CYB5B: variants seen among roughly 807,000 people sequenced by gnomAD.
CYB5B encodes cytochrome b5 type B.
In CYB5B, 14 loss-of-function variants were observed where a neutral mutation model predicts 21.3. That is an observed-to-expected ratio of 0.66 (90% CI 0.43 to 1.03). The LOEUF is 1.03. CYB5B is among the 50% of genes least tolerant of loss of function. CYB5B has a pLI of 0.00. For synonymous variants in CYB5B, 69 were observed against 68.4 expected, an observed-to-expected ratio of 1.01 and a Z score of -0.04; for missense variants, 166 against 185.1, an observed-to-expected ratio of 0.90 and a Z score of 0.60.
intron 1 of CYB5B, chr16:69,443,583 A>C (rs914391271): frequency 1.3e-5 from 2 of 152,680 alleles, no homozygotes; most frequent in African/African-American, 4.8e-5. Context: ...GGCCGGGTGC[A>C]GTGGCTCATG....
intron 3 of CYB5B, 132 bp downstream of exon 3, chr16:69,448,276 C>G (rs983833447): frequency 2.2e-5 from 24 of 1,076,962 alleles, no homozygotes; most frequent in Non-Finnish European, 3.3e-5. Context: ...TCCTATTTTT[C>G]TGGAATTTGG....
chr16:69,449,761 T>C lies in CYB5B; in HGVS notation c.333+1617T>C, dbSNP rs373382835. The C allele has an allele frequency of 5.3e-5, 8 of 152,216 alleles. No individual in the cohort carries two copies. The East Asian group carries it at 7.7e-4, about 15-fold the overall frequency. The allele number at this position is 152,216 out of a possible 1,614,324, so 9.4% of individuals were successfully genotyped here. A position where few individuals can be genotyped will look rare whatever the true frequency, so the allele number is the denominator to read the frequency against. Reference sequence around the variant, plus strand: ...AGATAGGGTTTAGGAATTTGCAATTTAAGTAATCTAGGTGATAAGTAGGTA... The same window carrying C: ...AGATAGGGTTTAGGAATTTGCAATTCAAGTAATCTAGGTGATAAGTAGGTA... On this transcript the variant is annotated intron_variant, in intron 3 of 4. Coordinates refer to ENST00000307892, the MANE Select transcript of CYB5B (RefSeq NM_030579.3).
chr16:69,430,811 T>G (rs535075585), intron 1 of CYB5B, among the ~76,000 whole-genome samples: 10 of 150,654 alleles, frequency 6.6e-5, no homozygotes, highest in African/African-American at 2.4e-4. Context: ...GTAGCTGGGA[T>G]TACAGGTGAA....
At chr16:69,453,397 A>C (rs969521928) in intron 3 of CYB5B, among the ~76,000 whole-genome samples, 6 of 152,198 alleles carry the variant, frequency 3.9e-5, no homozygotes. Context: ...TCAAATTAAA[A>C]ATTTTATTTT....
intron 3 of CYB5B, 90 bp downstream of exon 3, chr16:69,448,234 T>C (rs1459580114): frequency 2.8e-6 from 4 of 1,444,136 alleles, no homozygotes; most frequent in Non-Finnish European, 3.8e-6. Flanking sequence ...CAAGAGAAGT[T>C]ACAAAGTATT....
At chr16:69,453,237 A>G (rs1251564898) in intron 3 of CYB5B, among the ~76,000 whole-genome samples, 1 of 152,174 alleles carries the variant, frequency 6.6e-6, no homozygotes, top group Non-Finnish European at 1.5e-5. Flanking sequence ...ATTTAAAGTT[A>G]CATTTTTTCT....
chr16:69,460,163 G>A (rs2015020714), intron 4 of CYB5B, among the ~76,000 whole-genome samples: 1 of 152,010 alleles, frequency 6.6e-6, no homozygotes, highest in African/African-American at 2.4e-5. Flanking sequence ...AACCTTGGGA[G>A]GTGGAGGTTG....
intron 3 of CYB5B, among the ~76,000 whole-genome samples, chr16:69,453,586 G>A (rs1289423232): frequency 1.3e-5 from 2 of 151,990 alleles, no homozygotes; most frequent in East Asian, 3.9e-4. Context: ...GGAACGGAGT[G>A]TTGCTCTGTC....
Position 69,459,100 on chromosome 16 carries a change from C to G in CYB5B, c.341C>G (p.Ser114Ter). ...TTTTTTTTTTTATTTCAGGACCCTT[C>G]AAAAAATGATACATGCAAAAGGTTA... ...LKPESGSKDP[S>*]KNDTCKSCWA... Residue 114 changes from serine to a stop codon, truncating the protein, a stop_gained, in exon 4 of 5, where the codon TCA (serine) becomes TGA (stop). Coordinates refer to ENST00000307892, the MANE Select transcript of CYB5B (RefSeq NM_030579.3). LOFTEE classifies it high-confidence loss of function. 1 of 1,591,716 alleles carries G rather than the reference C, an allele frequency of 6.3e-7. No homozygotes were observed. The highest frequency in any genetic ancestry group is 8.5e-7 in the Non-Finnish European group (1 of 1,171,556).
At chr16:69,435,267 ATACTACCTGGCT>A (rs1281274332) in intron 1 of CYB5B, among the ~76,000 whole-genome samples, 1 of 152,256 alleles carries the variant, frequency 6.6e-6, no homozygotes, top group Non-Finnish European at 1.5e-5. Context: ...TTATTATGGC[ATACTACCTGGCT>A]TAAAGAGCTC....
chr16:69,424,716 C>A lies in CYB5B; in HGVS notation c.33C>A (p.Ser11Arg). MSGSMATAEA[S>R]GSDGKGQEVE... is the part of the protein sequence containing the mutation. ...GTTCAATGGCGACTGCGGAAGCTAG[C>A]GGCAGCGATGGGAAAGGGCAGGAAG... Residue 11 changes from serine (S) to arginine (R), a missense_variant, in exon 1 of 5, where the codon AGC (serine) becomes AGA (arginine). Transcript: ENST00000307892. 6.3e-7 allele frequency: 1 copy of A among 1,593,168 alleles called. No homozygotes were observed.
At chr16:69,433,299 A>G (rs2142810740) in intron 1 of CYB5B, among the ~76,000 whole-genome samples, 1 of 152,326 alleles carries the variant, frequency 6.6e-6, no homozygotes. Context: ...AGTAGGTCAA[A>G]CAGGTATATA....
chr16:69,455,141 G>A (rs1374195492), intron 3 of CYB5B, among the ~76,000 whole-genome samples: 1 of 152,042 alleles, frequency 6.6e-6, no homozygotes, highest in African/African-American at 2.4e-5. Context: ...TGATCCGCCT[G>A]TCTCGGCCTC....
rs2014972855 is a variant in CYB5B at position 69,455,325 on chromosome 16, A to G, written c.334-3768A>G. 3.3e-5 allele frequency among the ~76,000 whole-genome samples: 5 copies of G among 151,072 alleles called. No individual in the cohort carries two copies. In the South Asian group the frequency reaches 1.1e-3, roughly 32 times the overall value. ...TCATGTTTTCTCATAAACAAAGTTC[A>G]TCGTGAAATCCACACCCATTGACCC... is the stretch of plus-strand genomic sequence containing the variant. On this transcript the variant is annotated intron_variant, in intron 3 of 4. Coordinates refer to ENST00000307892, the MANE Select transcript of CYB5B (RefSeq NM_030579.3).
intron 1 of CYB5B, among the ~76,000 whole-genome samples, chr16:69,437,832 G>A (rs1472860435): frequency 6.6e-6 from 1 of 152,102 alleles, no homozygotes; most frequent in Non-Finnish European, 1.5e-5. Context: ...GAATTTGCCT[G>A]TTCTAGGTAC....
At chr16:69,445,732 G>A (rs1266297335) in intron 1 of CYB5B, among the ~76,000 whole-genome samples, 1 of 152,162 alleles carries the variant, frequency 6.6e-6, no homozygotes, top group Non-Finnish European at 1.5e-5. Context: ...GGGAGGCCGA[G>A]GCTGGTGGAT....
At chr16:69,460,031 A>C (rs2015019612) in intron 4 of CYB5B, among the ~76,000 whole-genome samples, 1 of 152,108 alleles carries the variant, frequency 6.6e-6, no homozygotes. Context: ...CGGGTGGATC[A>C]TGAGGTCAGG....
intron 1 of CYB5B, among the ~76,000 whole-genome samples, chr16:69,440,747 T>C (rs559730645): frequency 1.4e-5 from 2 of 144,996 alleles, no homozygotes; most frequent in East Asian, 3.9e-4. Flanking sequence ...GTGTGTTGCG[T>C]GTGTGTGTGT....
At chr16:69,455,422 TG>T (rs1256616782) in intron 3 of CYB5B, among the ~76,000 whole-genome samples, 4 of 132,860 alleles carry the variant, frequency 3.0e-5, no homozygotes, top group African/African-American at 1.1e-4. Context: ...TTTTTTTTGG[TG>T]GGGGGACGAA....
Sources: gnomAD v4.1 joint callset for allele counts (sites outside exome capture counted in the v4.1 genomes callset) on GRCh38, gnomAD v4.1.1 for gene constraint, MANE v1.5 for transcripts, NCBI Gene and HGNC (gene_info 2026-07-23, HGNC 2026-07-21) for gene names.